The following APP variants were observed in gnomAD, a reference collection of about 807,000 sequenced individuals.
APP encodes amyloid-beta precursor protein.
APP carries 31 observed loss-of-function variants against 101.4 expected under a neutral mutation model. The observed-to-expected ratio is 0.31, with a 90% CI of 0.23 to 0.41. The LOEUF (loss-of-function observed/expected upper bound fraction) is 0.41, where lower values mean the gene tolerates loss of function less well. Among genes scored for constraint, APP ranks in the 10% least tolerant of loss-of-function variants. The pLI is 1.00. For synonymous variants in APP, 366 were observed against 364.4 expected (o/e 1.00, Z -0.05); for missense variants, 839 against 1,003.7 (o/e 0.84, Z 2.22).
chr21:26,128,218 C>G (rs1183348207), intron 1 of APP, among the ~76,000 whole-genome samples: 1 of 152,202 alleles, frequency 6.6e-6, no homozygotes, highest in Non-Finnish European at 1.5e-5. Context: ...TGTGGCAGAT[C>G]TGACTCACCA....
chr21:25,893,351 G>A (rs1440001580), intron 16 of APP, among the ~76,000 whole-genome samples: 2 of 152,122 alleles, frequency 1.3e-5, no homozygotes, highest in Non-Finnish European at 2.9e-5. Context: ...AGAGTCACAG[G>A]TCTCTCACTT....
At chr21:25,989,884 A>C (rs1455992639) in intron 8 of APP, among the ~76,000 whole-genome samples, 1 of 151,918 alleles carries the variant, frequency 6.6e-6, no homozygotes, top group Non-Finnish European at 1.5e-5. Context: ...GAGCTTTCCG[A>C]GTGCCATGCT....
At chr21:25,969,975 AAGGAAGGC>A (rs199847046) in intron 11 of APP, among the ~76,000 whole-genome samples, 4,409 of 115,016 alleles carry the variant, frequency 0.038, 282 homozygotes, top group African/African-American at 0.14. Flanking sequence ...GGAGGGAAGG[AAGGAAGGC>A]AGGAGAGAAA....
At chr21:25,973,994 G>A (rs1377468169) in intron 11 of APP, among the ~76,000 whole-genome samples, 2 of 146,740 alleles carry the variant, frequency 1.4e-5, no homozygotes, top group African/African-American at 2.6e-5. Flanking sequence ...ACACACTCAT[G>A]CTCAGAAAGT....
intron 5 of APP, among the ~76,000 whole-genome samples, chr21:26,026,418 C>T (rs554498838): frequency 8.5e-5 from 13 of 152,264 alleles, no homozygotes; most frequent in African/African-American, 2.6e-4. Flanking sequence ...TGTCAGCATG[C>T]GAGATTTTAC....
intron 11 of APP, among the ~76,000 whole-genome samples, chr21:25,969,905 A>AGAGAAGAGGG (rs1555831817): frequency 1.3e-5 from 1 of 79,350 alleles, no homozygotes; most frequent in African/African-American, 5.4e-5. Flanking sequence ...AGAGAAGAGA[A>AGAGAAGAGGG]GAGGGGAGGG....
Position 25,884,772 on chromosome 21 carries a change from C to T in APP, c.2212-3001G>A, listed in dbSNP as rs1023820163. Among the ~76,000 whole-genome samples the T allele has an allele frequency of 3.9e-5, 6 of 152,208 alleles. No individual in the cohort carries two copies. The South Asian group carries it at 1.0e-3, about 26-fold the overall frequency. ...ATTGTAGAAAAAAGCCACAATGCTG[C>T]TTGATTGTTGGAATATTATACTTTT... On this transcript the variant is annotated intron_variant, in intron 17 of 17. Coordinates refer to ENST00000346798, the MANE Select transcript of APP (RefSeq NM_000484.4).
intron 1 of APP, among the ~76,000 whole-genome samples, chr21:26,122,093 A>G (rs923779598): frequency 1.3e-5 from 2 of 152,202 alleles, no homozygotes; most frequent in Non-Finnish European, 2.9e-5. Context: ...AAAGAAGCAT[A>G]TTCCTCTATC....
chr21:26,087,080 T>C (rs1264248833), intron 3 of APP, among the ~76,000 whole-genome samples: 1 of 152,218 alleles, frequency 6.6e-6, no homozygotes, highest in African/African-American at 2.4e-5. Flanking sequence ...GGAAAACCTA[T>C]GTTTTTCAGT....
chr21:25,915,972 CG>C (rs1450725286), intron 13 of APP, among the ~76,000 whole-genome samples: 2 of 148,910 alleles, frequency 1.3e-5, no homozygotes, highest in East Asian at 1.9e-4. Flanking sequence ...ACTTAGCCTT[CG>C]TTTTTTTTTT....
intron 5 of APP, among the ~76,000 whole-genome samples, chr21:26,033,467 A>T (rs112136654): frequency 0.036 from 5,523 of 152,292 alleles, 340 homozygotes; most frequent in African/African-American, 0.13. Flanking sequence ...TCTTGGTTAT[A>T]TCTTTATAGC....
intron 2 of APP, among the ~76,000 whole-genome samples, chr21:26,091,772 G>A (rs62222438): frequency 0.02 from 3,026 of 152,100 alleles, 70 homozygotes; most frequent in Middle Eastern, 0.048. Flanking sequence ...AAATGAAGAG[G>A]AAAAGAGGAA....
intron 6 of APP, among the ~76,000 whole-genome samples, chr21:26,020,628 A>G (rs190106346): frequency 3.3e-5 from 5 of 152,344 alleles, no homozygotes; most frequent in Admixed American, 2.0e-4. Flanking sequence ...GTTGACCTTT[A>G]TAAGTATTTG....
chr21:26,128,061 T>G (rs993498277), intron 1 of APP, among the ~76,000 whole-genome samples: 1 of 152,200 alleles, frequency 6.6e-6, no homozygotes, highest in African/African-American at 2.4e-5. Context: ...TATGACACAC[T>G]GGTTTAAAGA....
chr21:25,902,357 T>C (rs959685631), intron 15 of APP, among the ~76,000 whole-genome samples: 2 of 152,198 alleles, frequency 1.3e-5, no homozygotes, highest in Non-Finnish European at 1.5e-5. Flanking sequence ...ACCAAAGCTA[T>C]GCTACAAAAC....
chr21:25,961,827 G>T lies in APP; in HGVS notation c.1459-6072C>A, dbSNP rs1452163271. The stretch of plus-strand genomic sequence containing the variant: ...TGTCACAATATTCATACTTAAGACG[G>T]GTTATTCATATGATCAGAAAAACAA... On this transcript the variant is annotated intron_variant, in intron 11 of 17. Transcript: ENST00000346798. Among the ~76,000 whole-genome samples, 8 of 152,028 alleles carry T rather than the reference G, an allele frequency of 5.3e-5. No individual in the cohort carries two copies. In the East Asian group the frequency reaches 1.5e-3, roughly 29 times the overall value.
chr21:25,970,557 AG>A (rs1276991783), intron 11 of APP, among the ~76,000 whole-genome samples: 2 of 152,216 alleles, frequency 1.3e-5, no homozygotes, highest in African/African-American at 4.8e-5. Context: ...TTTGTTCTGC[AG>A]AGATATAAAA....
intron 5 of APP, among the ~76,000 whole-genome samples, chr21:26,039,307 T>C (rs763277836): frequency 1.3e-5 from 2 of 152,164 alleles, no homozygotes; most frequent in Non-Finnish European, 2.9e-5. Context: ...TGACAATAAG[T>C]AACAGCTCTT....
At chr21:25,964,180 T>C (rs1366742636) in intron 11 of APP, among the ~76,000 whole-genome samples, 1 of 152,228 alleles carries the variant, frequency 6.6e-6, no homozygotes, top group African/African-American at 2.4e-5. Context: ...TCTGATTTTG[T>C]ACTGAACATG....
Sources: allele counts gnomAD v4.1 joint callset (sites outside exome capture counted in the v4.1 genomes callset), GRCh38; gene constraint gnomAD v4.1.1; transcripts MANE v1.5; gene names NCBI Gene and HGNC (gene_info 2026-07-23, HGNC 2026-07-21).